FUT8: variants seen among roughly 807,000 people sequenced by gnomAD.
The protein encoded by FUT8 is fucosyltransferase 8, also known as alpha-(1,6)-fucosyltransferase.
Under a neutral mutation model 71.3 loss-of-function variants are expected in FUT8, and 29 were observed. The observed-to-expected ratio is 0.41, with a 90% CI of 0.30 to 0.55. FUT8 has a LOEUF of 0.55. Ranked by LOEUF, FUT8 falls within the 20% of genes least tolerant of loss-of-function variation. The pLI is 0.34. For missense variants in FUT8, 544 were observed against 702.1 expected (o/e 0.77, Z 2.55); for synonymous variants, 254 against 239.3 (o/e 1.06, Z -0.57).
At chr14:65,394,941 A>C in the FUT8 span, among the ~76,000 whole-genome samples, 25 of 152,244 alleles carry the variant, frequency 1.6e-4, no homozygotes, top group Middle Eastern at 3.4e-3. Context: ...ATGGGGTTTC[A>C]GTATTTTGTC....
intron 7 of FUT8, among the ~76,000 whole-genome samples, chr14:65,684,159 TCTA>T (rs1182727547): frequency 1.3e-5 from 2 of 152,018 alleles, no homozygotes; most frequent in Non-Finnish European, 2.9e-5. Flanking sequence ...TAAAAAGACT[TCTA>T]CTATAATAAC....
At chr14:65,620,102 G>T (rs1889522163) in intron 5 of FUT8, among the ~76,000 whole-genome samples, 1 of 152,010 alleles carries the variant, frequency 6.6e-6, no homozygotes, top group South Asian at 2.1e-4. Flanking sequence ...ACCAGTTTAT[G>T]AAAAGGGTAC....
chr14:65,468,274 A>G, intron 2 of FUT8: 5 of 623,670 alleles, frequency 8.0e-6, no homozygotes, highest in Non-Finnish European at 1.5e-5. Context: ...CAAAGGAACA[A>G]CTCCATGTTT....
At chr14:65,383,265 C>CTTTTTTTTCTTTTTTT in the FUT8 span, among the ~76,000 whole-genome samples, 6 of 86,516 alleles carry the variant, frequency 6.9e-5, no homozygotes, top group African/African-American at 1.6e-4. Context: ...TTTTTCTTTT[C>CTTTTTTTTCTTTTTTT]TTTTTTTTTT....
In FUT8 at chr14:65,669,710, GTTTT is replaced by G. The variant is rs1333547245; in HGVS notation, c.835+234_835+237del. Among the ~76,000 whole-genome samples, 6 of 151,966 alleles carry G rather than the reference GTTTT, an allele frequency of 3.9e-5. No homozygotes were observed. Among genetic ancestry groups the G allele is most frequent in the African/African-American group, 1.2e-4 (5 of 41,358 alleles). Reference sequence around the variant, plus strand: ...TATGTGAATTTAGCAAAATCACTGAGTTTTTTTCAGGGAGCATAATTTAATCTTT... The same window carrying G: ...TATGTGAATTTAGCAAAATCACTGAGTTTCAGGGAGCATAATTTAATCTTT... On this transcript the variant is annotated intron_variant, in intron 7 of 10. Coordinates refer to ENST00000673929, the MANE Select transcript of FUT8 (RefSeq NM_001371533.1). The surrounding 1 kb of genome is among the most constrained non-coding windows in gnomAD (Gnocchi z 4.5).
chr14:65,454,363 A>G, intron 1 of FUT8, among the ~76,000 whole-genome samples: 1 of 152,146 alleles, frequency 6.6e-6, no homozygotes, highest in Admixed American at 6.6e-5. Context: ...ATGGTGGCTC[A>G]TGTTTGCAAT....
intron 1 of FUT8, among the ~76,000 whole-genome samples, chr14:65,423,191 G>A (rs1212805637): frequency 6.6e-6 from 1 of 150,412 alleles, no homozygotes; most frequent in East Asian, 1.9e-4. Context: ...TCACCATATC[G>A]GCCAGGCTGG....
intron 6 of FUT8, among the ~76,000 whole-genome samples, chr14:65,666,123 A>G (rs1320162987): frequency 6.6e-6 from 1 of 152,154 alleles, no homozygotes; most frequent in Non-Finnish European, 1.5e-5. Flanking sequence ...AAGAGAAGTG[A>G]AAGAATTTTT....
intron 7 of FUT8, among the ~76,000 whole-genome samples, chr14:65,706,766 C>G (rs1894577951): frequency 6.6e-6 from 1 of 152,034 alleles, no homozygotes; most frequent in Non-Finnish European, 1.5e-5. Flanking sequence ...ACAGAGACCT[C>G]CTAATACCAT....
intron 3 of FUT8, among the ~76,000 whole-genome samples, chr14:65,584,024 C>T (rs572245075): frequency 1.3e-5 from 2 of 152,190 alleles, no homozygotes; most frequent in Non-Finnish European, 2.9e-5. Flanking sequence ...GGACTACAGG[C>T]GCGTGCTACC....
At chr14:65,509,210 C>A (rs564827050) in intron 2 of FUT8, among the ~76,000 whole-genome samples, 1 of 151,914 alleles carries the variant, frequency 6.6e-6, no homozygotes, top group Non-Finnish European at 1.5e-5. Flanking sequence ...GTTTTTGGCA[C>A]CTTTGTCAAA....
At chr14:65,610,143 G>A (rs533923450) in intron 3 of FUT8, among the ~76,000 whole-genome samples, 6 of 151,956 alleles carry the variant, frequency 3.9e-5, no homozygotes, top group African/African-American at 1.4e-4. Flanking sequence ...TATGTGAACC[G>A]AGGATAGCTT....
the FUT8 span, among the ~76,000 whole-genome samples, chr14:65,379,579 G>A: frequency 6.6e-6 from 1 of 152,058 alleles, no homozygotes; most frequent in Non-Finnish European, 1.5e-5. Flanking sequence ...TTATGTGCTT[G>A]GAGCTGAAAT....
chr14:65,433,786 TTCTCTCTCTC>T (rs71126744), intron 1 of FUT8, among the ~76,000 whole-genome samples: 367 of 144,934 alleles, frequency 2.5e-3, no homozygotes, highest in Non-Finnish European at 3.7e-3. Flanking sequence ...CTTCTGTCTC[TTCTCTCTCTC>T]TCTCTCTCTC....
intron 10 of FUT8, among the ~76,000 whole-genome samples, chr14:65,737,534 A>G (rs1477307087): frequency 6.6e-6 from 1 of 152,144 alleles, no homozygotes; most frequent in Non-Finnish European, 1.5e-5. Context: ...CAAAGAATTT[A>G]TAGTTGGAGA....
At chr14:65,469,290 T>G (rs1214202349) in intron 2 of FUT8, among the ~76,000 whole-genome samples, 3 of 152,236 alleles carry the variant, frequency 2.0e-5, no homozygotes, top group Non-Finnish European at 4.4e-5. Context: ...GATTGTATTT[T>G]TTGCCTTTAT....
chr14:65,378,319 A>T, the FUT8 span, among the ~76,000 whole-genome samples: 3 of 152,200 alleles, frequency 2.0e-5, no homozygotes, highest in Non-Finnish European at 4.4e-5. Flanking sequence ...AGGCACCAGG[A>T]GCAGAGGGCC....
intron 6 of FUT8, among the ~76,000 whole-genome samples, chr14:65,664,101 G>A (rs947739717): frequency 4.6e-5 from 7 of 152,036 alleles, no homozygotes; most frequent in African/African-American, 1.7e-4. Context: ...AAGGTTTATT[G>A]AAGAAGATAT....
chr14:65,461,394 T>TAC (rs34195388), intron 2 of FUT8, among the ~76,000 whole-genome samples: 2,061 of 152,298 alleles, frequency 0.014, 41 homozygotes, highest in East Asian at 0.092. Context: ...TTCTAGCCGT[T>TAC]ACACATTTTG....
Sources: allele counts gnomAD v4.1 joint callset (sites outside exome capture counted in the v4.1 genomes callset), GRCh38; gene constraint gnomAD v4.1.1; non-coding constraint Gnocchi (gnomAD v3.1); transcripts MANE v1.5; gene names NCBI Gene and HGNC (gene_info 2026-07-23, HGNC 2026-07-21).